Variants in DAB1 observed in about 807,000 individuals in gnomAD.
DAB1 encodes the protein DAB adaptor protein 1, also known as disabled homolog 1.
DAB1 carries 15 observed loss-of-function variants against 64.6 expected under a neutral mutation model. The observed-to-expected ratio is 0.23, with a 90% confidence interval of 0.16 to 0.36. The LOEUF is 0.36. Among genes scored for constraint, DAB1 ranks in the 10% least tolerant of loss-of-function variants. The pLI is 1.00. For synonymous variants in DAB1, 235 were observed against 251.9 expected (o/e 0.93, Z 0.64); for missense variants, 596 against 706.7 (o/e 0.84, Z 1.78).
chr1:57,508,023 A>G (rs1198521630), intron 7 of DAB1, among the ~76,000 whole-genome samples: 1 of 152,180 alleles, frequency 6.6e-6, no homozygotes, highest in Non-Finnish European at 1.5e-5. Context: ...GTGGCCCATG[A>G]CTATGTGTTT....
chr1:58,235,575 A>G (rs1440432454), intron 4 of DAB1, among the ~76,000 whole-genome samples: 1 of 152,198 alleles, frequency 6.6e-6, no homozygotes, highest in Non-Finnish European at 1.5e-5. Flanking sequence ...GGGTATATAT[A>G]GAGGGAGGGG....
chr1:58,457,138 C>G (rs1417142453), intron 3 of DAB1, among the ~76,000 whole-genome samples: 1 of 152,126 alleles, frequency 6.6e-6, no homozygotes, highest in Non-Finnish European at 1.5e-5. Flanking sequence ...AAATCGAGGT[C>G]TCAGGATTGG....
chr1:57,776,505 T>A (rs931670055), intron 6 of DAB1, among the ~76,000 whole-genome samples: 1 of 151,894 alleles, frequency 6.6e-6, no homozygotes, highest in African/African-American at 2.4e-5. Context: ...TCTGTTTTTT[T>A]ATTCTATTTT....
At chr1:58,384,038 A>G (rs1569712669) in intron 3 of DAB1, among the ~76,000 whole-genome samples, 2 of 150,258 alleles carry the variant, frequency 1.3e-5, no homozygotes, top group South Asian at 4.2e-4. Flanking sequence ...CCTCACCAAC[A>G]CTTGTTATCT....
At position 57,015,356 on chromosome 1, in the gene DAB1, C is replaced by T. The variant is rs1646395226; in HGVS notation, c.971G>A (p.Gly324Asp). Residue 324 changes from glycine to aspartate, a missense_variant, in exon 12 of 15, where the codon GGT becomes GAT. By Grantham distance (94) the Gly-to-Asp change is moderately conservative. This residue lies in a region of DAB1 where 377 missense variants were observed against 400.4 expected (regional missense o/e 0.94). Coordinates refer to ENST00000371236, the MANE Select transcript of DAB1 (RefSeq NM_001365792.1). ...QPLVQQQMVM[G>D]AQPPVAQVMP... ...CACCTGAGCGACTGGTGGCTGGGCA[C>T]CCATGACCATCTGCTGTTGGACGAG... 6.2e-7 allele frequency: 1 copy of T among 1,614,036 alleles called. No individual in the cohort carries two copies.
intron 9 of DAB1, among the ~76,000 whole-genome samples, chr1:57,062,622 G>GAGTA (rs1650513508): frequency 6.6e-6 from 1 of 152,164 alleles, no homozygotes; most frequent in Admixed American, 6.5e-5. Flanking sequence ...CCCTTAAACA[G>GAGTA]AGTAGTTCAC....
intron 2 of DAB1, among the ~76,000 whole-genome samples, chr1:58,517,771 A>C (rs1215108059): frequency 6.6e-6 from 1 of 152,176 alleles, no homozygotes; most frequent in East Asian, 1.9e-4. Context: ...CTGTAAGATC[A>C]AACTGTCTTC....
intron 2 of DAB1, among the ~76,000 whole-genome samples, chr1:57,190,210 C>A (rs536380978): frequency 6.6e-6 from 1 of 152,120 alleles, no homozygotes; most frequent in Non-Finnish European, 1.5e-5. Context: ...TCAGTTTCCA[C>A]GTAAGGCTGT....
chr1:58,077,104 C>A (rs1038240964), intron 5 of DAB1, among the ~76,000 whole-genome samples: 28 of 152,052 alleles, frequency 1.8e-4, no homozygotes, highest in African/African-American at 6.8e-4. Flanking sequence ...ACTTTACCCA[C>A]ACCCCTTCTC....
At chr1:57,936,430 C>T (rs1326700734) in intron 5 of DAB1, among the ~76,000 whole-genome samples, 2 of 152,196 alleles carry the variant, frequency 1.3e-5, no homozygotes, top group Non-Finnish European at 2.9e-5. Context: ...CTTGCTCCAT[C>T]ATCCAGGCTG....
At chr1:57,796,636 A>C (rs79823156) in intron 6 of DAB1, among the ~76,000 whole-genome samples, 4,936 of 152,154 alleles carry the variant, frequency 0.032, 104 homozygotes, top group Non-Finnish European at 0.049. Flanking sequence ...CCAGATACAC[A>C]AGGCAGAGGC....
chr1:57,069,465 A>G, intron 7 of DAB1, 40 bp from the exon 8 acceptor site: 1 of 1,535,796 alleles, frequency 6.5e-7, no homozygotes, highest in Non-Finnish European at 9.0e-7. Context: ...TCAGAGGTGA[A>G]AAAGAAGAAA....
intron 7 of DAB1, among the ~76,000 whole-genome samples, chr1:57,431,149 AAAAAAAAAGAAAAAC>A (rs1045920240): frequency 1.3e-5 from 2 of 151,694 alleles, no homozygotes; most frequent in African/African-American, 4.8e-5. Context: ...AAAACAAAAA[AAAAAAAAAGAAAAAC>A]AAAAAAAAAG....
At chr1:57,271,122 G>T (rs1670963156) in intron 2 of DAB1, among the ~76,000 whole-genome samples, 2 of 152,176 alleles carry the variant, frequency 1.3e-5, no homozygotes, top group African/African-American at 4.8e-5. Context: ...CTCAAAAGAT[G>T]CAGGCTGGAG....
rs1405005776 is a variant in DAB1, at chr1:56,997,304, G to A, written c.*840C>T. On this transcript the variant is annotated 3_prime_UTR_variant, in exon 15 of 15. Transcript: ENST00000371236. ...GCATTTTTCATCTTTCTCATCAATG[G>A]GATCTGATGTCTTTTCCTACTCACA... 1 of 152,056 alleles carries A rather than the reference G, an allele frequency of 6.6e-6. No individual in the cohort carries two copies. Among genetic ancestry groups the A allele is most frequent in the Non-Finnish European group, 1.5e-5 (1 of 68,004 alleles). The allele number at this position is 152,056 out of a possible 1,614,324, so 9.4% of individuals were successfully genotyped here. A position where few individuals can be genotyped will look rare whatever the true frequency, so the allele number is the denominator to read the frequency against.
At chr1:58,495,249 T>A (rs927891760) in intron 3 of DAB1, among the ~76,000 whole-genome samples, 9 of 151,956 alleles carry the variant, frequency 5.9e-5, no homozygotes, top group Non-Finnish European at 7.4e-5. Context: ...AAGGGGAACA[T>A]CACACACAGG....
At chr1:57,927,707 C>T (rs2102031982) in intron 5 of DAB1, among the ~76,000 whole-genome samples, 1 of 152,242 alleles carries the variant, frequency 6.6e-6, no homozygotes, top group East Asian at 1.9e-4. Context: ...TAATAACAAA[C>T]CCGAAAGTAC....
At chr1:58,294,372 T>C (rs1217032338) in intron 4 of DAB1, among the ~76,000 whole-genome samples, 1 of 152,212 alleles carries the variant, frequency 6.6e-6, no homozygotes, top group Non-Finnish European at 1.5e-5. Context: ...AAATTTTAAT[T>C]CAACTCCTAC....
intron 6 of DAB1, among the ~76,000 whole-genome samples, chr1:57,705,631 C>A (rs1311246978): frequency 1.3e-5 from 2 of 152,066 alleles, no homozygotes; most frequent in African/African-American, 4.8e-5. Context: ...TACCCCTAAG[C>A]AAATAAATGA....
Sources: gnomAD v4.1 joint callset for allele counts (sites outside exome capture counted in the v4.1 genomes callset) on GRCh38, gnomAD v4.1.1 for gene constraint, gnomAD v4.1.1 regional missense constraint, MANE v1.5 for transcripts, NCBI Gene and HGNC (gene_info 2026-07-23, HGNC 2026-07-21) for gene names.